Variants in TEX2 observed in about 807,000 individuals in gnomAD.
The protein encoded by TEX2 is testis-expressed protein 2.
Under a neutral mutation model 106.9 loss-of-function variants are expected in TEX2, and 53 were observed. The observed-to-expected ratio is 0.50, with a 90% CI of 0.40 to 0.62. The LOEUF is 0.62. TEX2 is among the 20% of genes least tolerant of loss of function. The pLI is 0.00. For missense variants in TEX2, 1,207 were observed against 1,379.0 expected (o/e 0.88, Z 1.98); for synonymous variants, 523 against 534.8 (o/e 0.98, Z 0.30).
intron 7 of TEX2, among the ~76,000 whole-genome samples, chr17:64,167,675 C>T (rs2031201182): frequency 6.6e-6 from 1 of 151,992 alleles, no homozygotes; most frequent in South Asian, 2.1e-4. Flanking sequence ...AAAAATTAGC[C>T]AGTCATGGTG....
Position 64,194,903 on chromosome 17 carries a change from C to G in TEX2, c.1837G>C (p.Asp613His). The change falls in exon 3 of 12, where the codon GAC becomes CAC. Residue 613 changes from aspartate (D) to histidine (H), a missense_variant. Asp to His is a moderately conservative substitution (Grantham distance 81, BLOSUM62 -1). Transcript: ENST00000584379. ...YISQKIYDLSDSKIYLVPKTL... is the reference protein window; with the variant it reads ...YISQKIYDLSHSKIYLVPKTL... ...AAATTGCTCAGGCTCACCTTGCTGT[C>G]TGAGAGGTCATAGATTTTCTGGCTG... 6.2e-7 allele frequency: 1 copy of G among 1,614,110 alleles called. No individual in the cohort carries two copies. The highest frequency in any genetic ancestry group is 1.1e-5 in the South Asian group (1 of 91,082).
At chr17:64,262,342 A>C (rs2034303543) in intron 1 of TEX2, among the ~76,000 whole-genome samples, 1 of 152,254 alleles carries the variant, frequency 6.6e-6, no homozygotes, top group African/African-American at 2.4e-5. Flanking sequence ...AGTAACCATA[A>C]CAACCGATGG....
chr17:64,222,440 C>T (rs2033383749), intron 1 of TEX2, among the ~76,000 whole-genome samples: 1 of 150,520 alleles, frequency 6.6e-6, no homozygotes, highest in South Asian at 2.1e-4. Flanking sequence ...ATCGCTTTAA[C>T]CTGGGAGTCA....
chr17:64,173,660 T>C (rs2031504349), intron 6 of TEX2, among the ~76,000 whole-genome samples: 1 of 152,208 alleles, frequency 6.6e-6, no homozygotes, highest in African/African-American at 2.4e-5. Context: ...ATCAATGTTA[T>C]AAGTGGTATT....
At chr17:64,188,064 C>T (rs2032142478) in intron 5 of TEX2, 104 bp downstream of exon 5, 4 of 1,340,428 alleles carry the variant, frequency 3.0e-6, no homozygotes, top group African/African-American at 1.5e-5. Context: ...TCTTGTGTAC[C>T]ACTGTTATCC....
At chr17:64,152,227 A>T (rs748463424) in intron 10 of TEX2, among the ~76,000 whole-genome samples, 35 of 152,182 alleles carry the variant, frequency 2.3e-4, no homozygotes, top group Non-Finnish European at 3.7e-4. Context: ...AGGACTTAGC[A>T]TGTCAATTTT....
chr17:64,195,434 C>T lies in TEX2; in HGVS notation c.1645-339G>A, dbSNP rs983100249. Among the ~76,000 whole-genome samples, 18 of 152,184 alleles carry T rather than the reference C, an allele frequency of 1.2e-4. No homozygotes were observed. Among genetic ancestry groups the T allele is most frequent in the African/African-American group, 4.3e-4 (18 of 41,440 alleles). ...TGAGCAAGCCTCTCTGCCTGACCTC[C>T]TTTGGGGTGATTAATCCCACCCAGT... On this transcript the variant is annotated intron_variant, in intron 2 of 11. Coordinates refer to ENST00000584379, the MANE Select transcript of TEX2 (RefSeq NM_001288732.2). This position sits in a 1 kb window ranked among gnomAD's most constrained non-coding sequence, Gnocchi z 4.1.
Position 64,188,167 on chromosome 17 carries a change from C to T in TEX2, c.2424+1G>A, listed in dbSNP as rs1375318210. 3.1e-6 allele frequency: 5 copies of T among 1,605,318 alleles called. No individual in the cohort carries two copies. The highest frequency in any genetic ancestry group is 3.4e-6 in the Non-Finnish European group (4 of 1,178,442). On this transcript the variant is annotated splice_donor_variant, in intron 5 of 11. Coordinates refer to ENST00000584379, the MANE Select transcript of TEX2 (RefSeq NM_001288732.2). LOFTEE classifies it high-confidence loss of function. ...AGGTCCGGCCCAGCAGCCAGCTTTA[C>T]CTTCTTCCCAGCTGTGGGGCTGCTC...
Position 64,171,245 on chromosome 17 carries a change from C to A in TEX2, c.2572-46G>T. The A allele has an allele frequency of 2.0e-6, 3 of 1,501,676 alleles. No individual in the cohort carries two copies. In the South Asian group the frequency reaches 3.4e-5, roughly 17 times the overall value. The allele number at this position is 1,501,676 out of a possible 1,614,324, so 93.0% of individuals were successfully genotyped here. On this transcript the variant is annotated intron_variant, in intron 6 of 11. Transcript: ENST00000584379. Reference sequence around the variant, plus strand: ...ATGAGTGAGACCCATGAGCAACCTACAAAACATGCTGTTGCAAGTCAACAT... The same window carrying A: ...ATGAGTGAGACCCATGAGCAACCTAAAAAACATGCTGTTGCAAGTCAACAT...
chr17:64,176,808 T>C (rs2031635094), intron 6 of TEX2, among the ~76,000 whole-genome samples: 2 of 152,184 alleles, frequency 1.3e-5, no homozygotes, highest in African/African-American at 4.8e-5. Context: ...GAGCACAGCC[T>C]GGGAAAGAGG....
At chr17:64,232,302 G>A (rs1315586824) in intron 1 of TEX2, among the ~76,000 whole-genome samples, 1 of 152,134 alleles carries the variant, frequency 6.6e-6, no homozygotes, top group Non-Finnish European at 1.5e-5. Context: ...GAGAGCTGTG[G>A]ATAAGATCTG....
At chr17:64,207,741 CT>C (rs1427266888) in intron 2 of TEX2, among the ~76,000 whole-genome samples, 120 of 143,300 alleles carry the variant, frequency 8.4e-4, no homozygotes, top group African/African-American at 8.9e-4. Context: ...TTTTTTTTTT[CT>C]TTTTTTTTTT....
Position 64,213,842 on chromosome 17 carries a change from C to T in TEX2, c.376G>A (p.Val126Ile). ...LLESPVPAAQ[V>I]LSTVPLAVSP... ...ACAGCCAATGGCACTGTACTTAATA[C>T]TTGTGCTGCTGGAACAGGGGACTCC... Residue 126 changes from valine (V) to isoleucine (I), a missense_variant, in exon 2 of 12, where the codon GTA (valine) becomes ATA (isoleucine). By Grantham distance (29) the Val-to-Ile change is conservative (BLOSUM62 3). Coordinates refer to ENST00000584379, the MANE Select transcript of TEX2 (RefSeq NM_001288732.2). This position sits in a 1 kb window ranked among gnomAD's most constrained non-coding sequence, Gnocchi z 4.4. The T allele has an allele frequency of 6.2e-7, 1 of 1,614,210 alleles. No homozygotes were observed. The highest frequency in any genetic ancestry group is 8.5e-7 in the Non-Finnish European group (1 of 1,180,036).
Position 64,188,298 on chromosome 17 carries a change from G to T in TEX2, c.2294C>A (p.Ala765Glu), listed in dbSNP as rs1471733335. 1 of 1,614,044 alleles carries T rather than the reference G, an allele frequency of 6.2e-7. No homozygotes were observed. The highest frequency in any genetic ancestry group is 2.2e-5 in the East Asian group (1 of 44,892). The change falls in exon 5 of 12, where the codon GCA (alanine) becomes GAA (glutamate). Residue 765 changes from alanine to glutamate, a missense_variant. This residue lies in a region of TEX2 where 1,067 missense variants were observed against 1,193.6 expected (regional missense o/e 0.89). Transcript: ENST00000584379. ...IMSQPKQKELAGSVRQKMLLD... is the reference protein window; with the variant it reads ...IMSQPKQKELEGSVRQKMLLD... ...AAGCATCTTCTGCCGCACGCTGCCT[G>T]CCAGCTCCTTCTGCTTTGGCTGTGA...
chr17:64,205,193 T>C lies in TEX2; in HGVS notation c.1644+7381A>G, dbSNP rs1013416027. On this transcript the variant is annotated intron_variant, in intron 2 of 11. Coordinates refer to ENST00000584379, the MANE Select transcript of TEX2 (RefSeq NM_001288732.2). This position sits in a 1 kb window ranked among gnomAD's most constrained non-coding sequence, Gnocchi z 4.0. The stretch of plus-strand genomic sequence containing the variant: ...TTAGCCGTGCATGGTGATGCGCACA[T>C]GTAATCCCAGCAACTCTGGAGGCTG... Among the ~76,000 whole-genome samples, 2 of 152,134 alleles carry C rather than the reference T, an allele frequency of 1.3e-5. No individual in the cohort carries two copies. The highest frequency in any genetic ancestry group is 2.9e-5 in the Non-Finnish European group (2 of 68,028).
intron 4 of TEX2, 145 bp from the exon 5 acceptor site, chr17:64,188,560 T>G (rs1434604959): frequency 7.6e-7 from 1 of 1,317,078 alleles, no homozygotes; most frequent in Non-Finnish European, 1.0e-6. Flanking sequence ...CTCACGCCTG[T>G]AATCCCAGCA....
chr17:64,227,369 G>A (rs2033536265), intron 1 of TEX2, among the ~76,000 whole-genome samples: 1 of 151,978 alleles, frequency 6.6e-6, no homozygotes, highest in Non-Finnish European at 1.5e-5. Context: ...ACAAATGTCT[G>A]CACTGGGCAA....
At position 64,183,576 on chromosome 17, in the gene TEX2, G is replaced by A. The variant is rs142777459; in HGVS notation, c.2424+4592C>T. On this transcript the variant is annotated intron_variant, in intron 5 of 11. Transcript: ENST00000584379. ...CCAGTAGCTGGGATTACAGGCATGC[G>A]CCACCATGCCTGGCTAATTTTTTGT... 6.3e-3 allele frequency among the ~76,000 whole-genome samples: 954 copies of A among 152,196 alleles called. 6 individuals carry two copies. Among genetic ancestry groups the A allele is most frequent in the Non-Finnish European group, 0.01 (705 of 68,004 alleles).
intron 1 of TEX2, among the ~76,000 whole-genome samples, chr17:64,261,087 T>C (rs1424982909): frequency 1.3e-5 from 2 of 152,172 alleles, no homozygotes; most frequent in Non-Finnish European, 2.9e-5. Context: ...TGTTCTCATA[T>C]TAAGTAATAA....
Sources: gnomAD v4.1 joint callset for allele counts (sites outside exome capture counted in the v4.1 genomes callset) on GRCh38, gnomAD v4.1.1 for gene constraint, gnomAD v4.1.1 regional missense constraint, Gnocchi (gnomAD v3.1) non-coding constraint, MANE v1.5 for transcripts, NCBI Gene and HGNC (gene_info 2026-07-23, HGNC 2026-07-21) for gene names.